KLHL29: variants seen among roughly 807,000 people sequenced by gnomAD.
KLHL29 encodes kelch like family member 29, also known as kelch-like protein 29.
Under a neutral mutation model 80.4 loss-of-function variants are expected in KLHL29, and 21 were observed. The observed-to-expected ratio is 0.26, with a 90% CI of 0.19 to 0.38. KLHL29 has a LOEUF of 0.38. KLHL29 is among the 10% of genes least tolerant of loss of function. The probability of loss-of-function intolerance (pLI) is 1.00; values close to 1 mark genes in which losing one functional copy is unlikely to be tolerated. For missense variants in KLHL29, 867 were observed against 1,223.9 expected (o/e 0.71, Z 4.35); for synonymous variants, 511 against 526.8 (o/e 0.97, Z 0.41).
At chr2:23,523,905 T>C (rs904704979) in intron 2 of KLHL29, 1 of 451,090 alleles carries the variant, frequency 2.2e-6, no homozygotes, top group Non-Finnish European at 4.7e-6. Flanking sequence ...GCTTCTACAA[T>C]TCCTTTTACC....
At chr2:23,661,437 C>G (rs1011646226) in intron 5 of KLHL29, among the ~76,000 whole-genome samples, 2 of 152,188 alleles carry the variant, frequency 1.3e-5, no homozygotes, top group African/African-American at 4.8e-5. Context: ...TGTATCCCCA[C>G]CCCCAGACAG....
chr2:23,480,212 C>T (rs777317927), intron 2 of KLHL29, among the ~76,000 whole-genome samples: 6 of 152,312 alleles, frequency 3.9e-5, no homozygotes, highest in East Asian at 1.9e-4. Context: ...ATGGCCCGGC[C>T]GTGGTGGCTC....
intron 7 of KLHL29, among the ~76,000 whole-genome samples, chr2:23,692,205 C>T (rs1347477902): frequency 6.6e-6 from 1 of 152,176 alleles, no homozygotes; most frequent in Non-Finnish European, 1.5e-5. Context: ...ATGGCCCTGG[C>T]CTCACAGTCC....
intron 2 of KLHL29, among the ~76,000 whole-genome samples, chr2:23,539,990 C>T (rs560021954): frequency 1.1e-3 from 172 of 152,280 alleles, no homozygotes; most frequent in Middle Eastern, 6.8e-3. Flanking sequence ...TTTCAGGGAA[C>T]AGGTGTGCCG....
At chr2:23,497,202 T>A (rs997728545) in intron 2 of KLHL29, among the ~76,000 whole-genome samples, 1 of 152,198 alleles carries the variant, frequency 6.6e-6, no homozygotes, top group African/African-American at 2.4e-5. Context: ...GGTTGCTTTC[T>A]TGGCAACTGC....
intron 2 of KLHL29, among the ~76,000 whole-genome samples, chr2:23,505,795 G>A (rs569533721): frequency 5.3e-5 from 8 of 152,228 alleles, no homozygotes; most frequent in Non-Finnish European, 1.2e-4. Context: ...GAGAATGGTG[G>A]GGATTTGAAC....
intron 13 of KLHL29, among the ~76,000 whole-genome samples, chr2:23,705,695 G>A (rs1197559956): frequency 6.6e-6 from 1 of 152,198 alleles, no homozygotes; most frequent in African/African-American, 2.4e-5. Flanking sequence ...TCAGAAACGG[G>A]TGGAGCCTTT....
At chr2:23,393,311 A>G (rs1447443496) in intron 1 of KLHL29, among the ~76,000 whole-genome samples, 3 of 152,258 alleles carry the variant, frequency 2.0e-5, no homozygotes, top group Admixed American at 1.3e-4. Context: ...ATTTGGGCAT[A>G]TATCTATTAA....
chr2:23,457,916 G>A lies in KLHL29; in HGVS notation c.-153-17644G>A, dbSNP rs959375680. Reference sequence around the variant, plus strand: ...TAATCCCAGCTACTCGGGAGGTTGAGGCAGGAGAATGGCATGAACCAGGGA... The same window carrying A: ...TAATCCCAGCTACTCGGGAGGTTGAAGCAGGAGAATGGCATGAACCAGGGA... On this transcript the variant is annotated intron_variant, in intron 1 of 13. Coordinates refer to ENST00000486442, the MANE Select transcript of KLHL29 (RefSeq NM_052920.2). The surrounding 1 kb of genome is among the most constrained non-coding windows in gnomAD (Gnocchi z 4.3). Among the ~76,000 whole-genome samples, 1 of 152,168 alleles carries A rather than the reference G, an allele frequency of 6.6e-6. No homozygotes were observed. Among genetic ancestry groups the A allele is most frequent in the Admixed American group, 6.5e-5 (1 of 15,286 alleles).
At chr2:23,630,362 C>T (rs1264290205) in intron 3 of KLHL29, among the ~76,000 whole-genome samples, 55 of 152,196 alleles carry the variant, frequency 3.6e-4, no homozygotes, top group East Asian at 1.9e-4. Context: ...TGGCCACAGC[C>T]GGGGAGGCTG....
chr2:23,472,988 C>A (rs1445464144), intron 1 of KLHL29, among the ~76,000 whole-genome samples: 2 of 152,166 alleles, frequency 1.3e-5, no homozygotes, highest in African/African-American at 4.8e-5. Flanking sequence ...TATAGAGAAA[C>A]CATCATAGCA....
chr2:23,572,129 G>C (rs1446350335), intron 3 of KLHL29, among the ~76,000 whole-genome samples: 2 of 152,316 alleles, frequency 1.3e-5, no homozygotes, highest in East Asian at 3.9e-4. Flanking sequence ...CTGTGTTTCT[G>C]TCTGAGGGAA....
At chr2:23,652,481 G>T (rs957435186) in intron 5 of KLHL29, among the ~76,000 whole-genome samples, 9 of 152,186 alleles carry the variant, frequency 5.9e-5, no homozygotes, top group Non-Finnish European at 1.3e-4. Flanking sequence ...TTTGGAGGAT[G>T]GCAGAATTTC....
intron 5 of KLHL29, chr2:23,644,087 G>C (rs1374951048): frequency 6.6e-6 from 1 of 152,104 alleles, no homozygotes; most frequent in Non-Finnish European, 1.5e-5. Flanking sequence ...ATCTCTGTTG[G>C]GTTTAATTCC....
At chr2:23,424,006 A>C (rs1026534469) in intron 1 of KLHL29, among the ~76,000 whole-genome samples, 12 of 152,044 alleles carry the variant, frequency 7.9e-5, no homozygotes, top group Non-Finnish European at 1.3e-4. Flanking sequence ...TCCACCTGTC[A>C]CACCCAGCAC....
rs1171997588 is a variant in KLHL29, at chr2:23,682,890, G to A, written c.941-1509G>A. Among the ~76,000 whole-genome samples the A allele has an allele frequency of 0.018, 2 of 112 alleles. No homozygotes were observed. The highest frequency in any genetic ancestry group is 0.034 in the Non-Finnish European group (2 of 58). The allele number at this position is 112 out of a possible 152,430, so 0.1% of individuals were successfully genotyped here. A position where few individuals can be genotyped will look rare whatever the true frequency, so the allele number is the denominator to read the frequency against. On this transcript the variant is annotated intron_variant, in intron 5 of 13. Transcript: ENST00000486442. This position sits in a 1 kb window ranked among gnomAD's most constrained non-coding sequence, Gnocchi z 4.1. The stretch of plus-strand genomic sequence containing the variant: ...TTGGGGTTGGCGGGGTCAGTGATTC[G>A]GCCTTGCCATGGCTCCCAGAGGGCA...
intron 1 of KLHL29, among the ~76,000 whole-genome samples, chr2:23,442,754 G>A (rs142387219): frequency 8.7e-4 from 133 of 152,318 alleles, no homozygotes; most frequent in African/African-American, 3.1e-3. Flanking sequence ...CCCAGAGTCT[G>A]TGTGGGAGGG....
intron 7 of KLHL29, 76 bp downstream of exon 7, chr2:23,691,952 T>C: frequency 7.0e-7 from 1 of 1,433,176 alleles, no homozygotes; most frequent in Non-Finnish European, 9.5e-7. Flanking sequence ...CAGCAAGGAC[T>C]GAGCGGGGAG....
chr2:23,460,777 A>T (rs541833290), intron 1 of KLHL29, among the ~76,000 whole-genome samples: 1 of 151,492 alleles, frequency 6.6e-6, no homozygotes, highest in South Asian at 2.1e-4. Context: ...GTGCAAACTC[A>T]GGAGCTTCCC....
Sources: gnomAD v4.1 joint callset for allele counts (sites outside exome capture counted in the v4.1 genomes callset) on GRCh38, gnomAD v4.1.1 for gene constraint, Gnocchi (gnomAD v3.1) non-coding constraint, MANE v1.5 for transcripts, NCBI Gene and HGNC (gene_info 2026-07-23, HGNC 2026-07-21) for gene names.